Variants in TESK2 observed in about 807,000 individuals in gnomAD.
TESK2 encodes testis associated actin remodelling kinase 2, also known as dual specificity testis-specific protein kinase 2.
A neutral mutation model predicts 57.1 loss-of-function variants in TESK2; 39 were observed. The observed-to-expected ratio is 0.68, with a 90% CI of 0.53 to 0.89. The LOEUF is 0.89. Ranked by LOEUF, TESK2 falls within the 40% of genes least tolerant of loss-of-function variation. The probability of loss-of-function intolerance (pLI) is 0.00; values close to 1 mark genes in which losing one functional copy is unlikely to be tolerated. For synonymous variants in TESK2, 249 were observed against 267.9 expected (o/e 0.93, Z 0.69); for missense variants, 646 against 732.1 (o/e 0.88, Z 1.36).
chr1:45,369,897 A>G (rs1450987818), intron 4 of TESK2, among the ~76,000 whole-genome samples: 2 of 152,062 alleles, frequency 1.3e-5, no homozygotes, highest in Non-Finnish European at 2.9e-5. Flanking sequence ...TTTTTAGTAG[A>G]GATGGGGGTT....
intron 3 of TESK2, among the ~76,000 whole-genome samples, chr1:45,416,434 C>T (rs1261774953): frequency 6.6e-6 from 1 of 151,998 alleles, no homozygotes; most frequent in Non-Finnish European, 1.5e-5. Context: ...CACACCCAAC[C>T]TAAAGCCTTC....
intron 2 of TESK2, among the ~76,000 whole-genome samples, chr1:45,443,564 A>G (rs551617493): frequency 1.8e-5 from 2 of 108,996 alleles, no homozygotes; most frequent in South Asian, 6.7e-4. Context: ...AGCGAGATCC[A>G]TCGCAAAAAA....
intron 3 of TESK2, among the ~76,000 whole-genome samples, chr1:45,419,697 T>C (rs1320524364): frequency 2.0e-5 from 3 of 152,038 alleles, no homozygotes; most frequent in Non-Finnish European, 2.9e-5. Flanking sequence ...TCCCAGCTAC[T>C]TGGGAGGCTG....
intron 4 of TESK2, among the ~76,000 whole-genome samples, chr1:45,377,980 G>A (rs934990352): frequency 2.6e-5 from 4 of 151,568 alleles, no homozygotes; most frequent in African/African-American, 9.7e-5. Flanking sequence ...GAGCTGAGAT[G>A]GTGCCACTGC....
intron 3 of TESK2, among the ~76,000 whole-genome samples, chr1:45,395,796 T>C (rs1336563144): frequency 6.6e-6 from 1 of 151,956 alleles, no homozygotes; most frequent in Non-Finnish European, 1.5e-5. Context: ...TATAGCATCA[T>C]TTCCAAGCTT....
chr1:45,398,983 GAA>G (rs372886401), intron 3 of TESK2: 35,931 of 223,870 alleles, frequency 0.16, 1,021 homozygotes, highest in African/African-American at 0.24. Context: ...ACTAGGACCT[GAA>G]AAAAAAAAAA....
chr1:45,443,874 C>G (rs1434533730), intron 2 of TESK2, among the ~76,000 whole-genome samples: 3 of 151,984 alleles, frequency 2.0e-5, no homozygotes, highest in Non-Finnish European at 4.4e-5. Context: ...AAGGGTAAAA[C>G]AGTAAATATC....
Position 45,345,407 on chromosome 1 carries a change from CA to C in TESK2, c.1148del (p.Leu383TrpfsTer104). The C allele has an allele frequency of 6.2e-7, 1 of 1,614,000 alleles. No individual in the cohort carries two copies. Among genetic ancestry groups the C allele is most frequent in the Non-Finnish European group, 8.5e-7 (1 of 1,180,022 alleles). ...CATCTCGTGGCCGGTAGTATGGGTC[CA>C]AGACACTCACTGTACGTGGGGGCTT... is the stretch of plus-strand genomic sequence containing the variant. ...SRKPPRTVSV[L>X]DPYYRPRDGA... On this transcript the variant is annotated frameshift_variant, in exon 11 of 11. Transcript: ENST00000372086. LOFTEE classifies it high-confidence loss of function.
intron 2 of TESK2, among the ~76,000 whole-genome samples, chr1:45,438,800 C>T (rs1348580843): frequency 6.6e-6 from 1 of 152,034 alleles, no homozygotes; most frequent in African/African-American, 2.4e-5. Context: ...TTGATGAAAA[C>T]TTTTACAGTG....
chr1:45,462,291 T>C (rs1427312358), intron 1 of TESK2, among the ~76,000 whole-genome samples: 2 of 151,974 alleles, frequency 1.3e-5, no homozygotes, highest in African/African-American at 4.8e-5. Flanking sequence ...TTTTATTTTT[T>C]AGATGGGGTC....
intron 4 of TESK2, among the ~76,000 whole-genome samples, chr1:45,356,618 T>TAA (rs57535694): frequency 5.1e-4 from 66 of 129,748 alleles, no homozygotes; most frequent in Admixed American, 1.3e-3. Context: ...GACCCTGTCT[T>TAA]AAAAAAAAAA....
chr1:45,480,919 T>C (rs901543582), intron 1 of TESK2, among the ~76,000 whole-genome samples: 66 of 150,806 alleles, frequency 4.4e-4, no homozygotes, highest in Non-Finnish European at 4.4e-5. Context: ...ACCCGGGAAA[T>C]GGAGGTTGCA....
chr1:45,376,187 T>C, intron 4 of TESK2, among the ~76,000 whole-genome samples: 1 of 151,746 alleles, frequency 6.6e-6, no homozygotes, highest in East Asian at 1.9e-4. Flanking sequence ...ATGAAAGGAT[T>C]TGAGATGTGA....
chr1:45,347,121 C>T (rs1291359204), intron 7 of TESK2, 59 bp from the exon 8 acceptor site: 7 of 1,452,496 alleles, frequency 4.8e-6, no homozygotes, highest in Non-Finnish European at 6.7e-6. Flanking sequence ...GGGTATCTGC[C>T]CCTGCCCCTG....
At position 45,457,639 on chromosome 1, in the gene TESK2, G is replaced by C; in HGVS notation, c.147C>G (p.Ala49=). 6.2e-7 allele frequency: 1 copy of C among 1,614,080 alleles called. No individual in the cohort carries two copies. The highest frequency in any genetic ancestry group is 2.2e-5 in the East Asian group (1 of 44,874). ...CATCCAAACGCGTCAGTCTGGAAAA[G>C]GCACTTATAAGAGCTCGATACGAAG... ...WPSSYRALIS[A]FSRLTRLDDF... is the part of the protein sequence containing the mutation. The change falls in exon 2 of 11, where the codon GCC becomes GCG. Residue 49 remains alanine (A), a synonymous_variant. Transcript: ENST00000372086.
In TESK2 at chr1:45,421,751, A is replaced by G. The variant is rs368627237; in HGVS notation, c.318T>C (p.Asn106=). ...ANMLKEVQLM[N]RLSHPNILRF... ...TAAGGATGTTGGGATGGGAGAGTCT[A>G]TTCATGAGCTGTACTTCTTTCAGCA... Residue 106 remains asparagine (N), a synonymous_variant, in exon 3 of 11, where the codon AAT becomes AAC. Coordinates refer to ENST00000372086, the MANE Select transcript of TESK2 (RefSeq NM_007170.3). 3.1e-6 allele frequency: 5 copies of G among 1,613,994 alleles called. No homozygotes were observed. In the African/African-American group the frequency reaches 6.7e-5, roughly 22 times the overall value.
intron 1 of TESK2, among the ~76,000 whole-genome samples, chr1:45,482,872 C>T (rs897228957): frequency 2.7e-5 from 4 of 150,384 alleles, no homozygotes; most frequent in African/African-American, 7.4e-5. Context: ...CCCAGCTACT[C>T]GGGAGGCTGA....
At chr1:45,450,437 G>A (rs1252185250) in intron 2 of TESK2, among the ~76,000 whole-genome samples, 1 of 152,076 alleles carries the variant, frequency 6.6e-6, no homozygotes, top group Non-Finnish European at 1.5e-5. Flanking sequence ...GCTTAAACCC[G>A]GGAGGTCGAG....
intron 2 of TESK2, among the ~76,000 whole-genome samples, chr1:45,427,824 A>G (rs1307183594): frequency 6.6e-6 from 1 of 152,206 alleles, no homozygotes; most frequent in Non-Finnish European, 1.5e-5. Context: ...ATAGCTTGAT[A>G]GAATGAAGAA....
Sources: allele counts gnomAD v4.1 joint callset (sites outside exome capture counted in the v4.1 genomes callset), GRCh38; gene constraint gnomAD v4.1.1; transcripts MANE v1.5; gene names NCBI Gene and HGNC (gene_info 2026-07-23, HGNC 2026-07-21).